Variants in KCNS3 observed in about 807,000 individuals in gnomAD.
The protein encoded by KCNS3 is delayed-rectifier potassium channel regulatory subunit KCNS3.
A neutral mutation model predicts 31.0 loss-of-function variants in KCNS3; 13 were observed. The observed-to-expected ratio is 0.42, with a 90% confidence interval of 0.27 to 0.67. The LOEUF (loss-of-function observed/expected upper bound fraction) is 0.67. Among genes scored for constraint, KCNS3 ranks in the 30% least tolerant of loss-of-function variants. The probability of loss-of-function intolerance (pLI) is 0.25; values close to 1 mark genes in which losing one functional copy is unlikely to be tolerated. For synonymous variants in KCNS3, 238 were observed against 241.5 expected, an observed-to-expected ratio of 0.99 and a Z score of 0.13; for missense variants, 545 against 622.4, an observed-to-expected ratio of 0.88 and a Z score of 1.32.
intron 1 of KCNS3, among the ~76,000 whole-genome samples, chr2:17,900,699 AG>A (rs1662153374): frequency 1.3e-5 from 2 of 152,016 alleles, no homozygotes; most frequent in African/African-American, 4.8e-5. Context: ...CATGTTGGCC[AG>A]GCTGGTTTCG....
intron 2 of KCNS3, among the ~76,000 whole-genome samples, chr2:17,921,915 G>GTGTGTATATATA (rs375189924): frequency 6.1e-5 from 2 of 32,810 alleles, no homozygotes; most frequent in Admixed American, 4.4e-4. Flanking sequence ...GTGTGTGTGT[G>GTGTGTATATATA]TATATATATA....
chr2:17,931,428 G>C lies in KCNS3; in HGVS notation c.420G>C (p.Val140=), dbSNP rs1170113502. 2 of 1,614,188 alleles carry C rather than the reference G, an allele frequency of 1.2e-6. No individual in the cohort carries two copies. The highest frequency in any genetic ancestry group is 1.7e-6 in the Non-Finnish European group (2 of 1,180,028). Residue 140 remains valine, a synonymous_variant, in exon 3 of 3, where the codon GTG becomes GTC. Coordinates refer to ENST00000304101, the MANE Select transcript of KCNS3 (RefSeq NM_002252.5). The surrounding 1 kb of genome is among the most constrained non-coding windows in gnomAD (Gnocchi z 5.4). ...EKDWDQKSHD[V]STDSSFEESS... is the part of the protein sequence containing the mutation. ...ACTGGGACCAGAAAAGCCATGATGT[G>C]AGTACCGACTCCTCGTTTGAAGAGT...
At chr2:17,915,354 G>A (rs1662565358) in intron 1 of KCNS3, among the ~76,000 whole-genome samples, 1 of 152,162 alleles carries the variant, frequency 6.6e-6, no homozygotes, top group Non-Finnish European at 1.5e-5. Flanking sequence ...TGGAAACGCT[G>A]GATGGGATTG....
intron 1 of KCNS3, among the ~76,000 whole-genome samples, chr2:17,910,557 C>T (rs532261354): frequency 6.6e-6 from 1 of 151,542 alleles, no homozygotes; most frequent in African/African-American, 2.4e-5. Flanking sequence ...TCAGTTGGCA[C>T]TACTGGAATT....
intron 1 of KCNS3, among the ~76,000 whole-genome samples, chr2:17,904,536 T>G (rs1216625709): frequency 6.6e-6 from 1 of 152,130 alleles, no homozygotes; most frequent in Non-Finnish European, 1.5e-5. Flanking sequence ...TCCTTGCCCA[T>G]GCCTATGTCC....
chr2:17,925,847 A>G (rs975275646), intron 2 of KCNS3, among the ~76,000 whole-genome samples: 4 of 152,214 alleles, frequency 2.6e-5, no homozygotes, highest in African/African-American at 9.6e-5. Flanking sequence ...TTTAAAACCA[A>G]TCATGCCTTC....
intron 1 of KCNS3, among the ~76,000 whole-genome samples, chr2:17,886,849 CT>C (rs1379714109): frequency 1.5e-5 from 2 of 136,908 alleles, no homozygotes; most frequent in Non-Finnish European, 3.0e-5. Context: ...CTCTCATCTT[CT>C]CCTTAAATCA....
chr2:17,896,737 G>A (rs995536517), intron 1 of KCNS3, among the ~76,000 whole-genome samples: 4 of 152,168 alleles, frequency 2.6e-5, no homozygotes, highest in Non-Finnish European at 5.9e-5. Context: ...TATAGCCACT[G>A]GGTGGACAGG....
intron 2 of KCNS3, among the ~76,000 whole-genome samples, chr2:17,928,932 C>T (rs2125254720): frequency 1.3e-5 from 2 of 152,322 alleles, no homozygotes; most frequent in South Asian, 4.2e-4. Flanking sequence ...ATATGCACTG[C>T]CACTGTGTGT....
chr2:17,904,941 G>A (rs1399879324), intron 1 of KCNS3, among the ~76,000 whole-genome samples: 7 of 152,076 alleles, frequency 4.6e-5, no homozygotes, highest in Non-Finnish European at 1.0e-4. Context: ...TTGGTAATGC[G>A]GGCTCTTTTT....
intron 1 of KCNS3, among the ~76,000 whole-genome samples, chr2:17,915,750 G>C (rs1257768063): frequency 6.6e-6 from 1 of 152,194 alleles, no homozygotes; most frequent in Non-Finnish European, 1.5e-5. Flanking sequence ...GTCACACTTA[G>C]AATGTGAATG....
intron 1 of KCNS3, among the ~76,000 whole-genome samples, chr2:17,894,041 A>G (rs1308452715): frequency 6.8e-6 from 1 of 147,408 alleles, no homozygotes; most frequent in Non-Finnish European, 1.5e-5. Flanking sequence ...ATTCCAGTAG[A>G]TTTGCTTTTA....
intron 2 of KCNS3, among the ~76,000 whole-genome samples, chr2:17,920,763 C>A (rs1164108641): frequency 1.3e-5 from 2 of 152,176 alleles, no homozygotes; most frequent in Non-Finnish European, 2.9e-5. Context: ...TGCCACTGTA[C>A]CCTCAGATGT....
chr2:17,921,911 GTGTGTATATA>G (rs1409451103), intron 2 of KCNS3, among the ~76,000 whole-genome samples: 5,198 of 99,728 alleles, frequency 0.052, 144 homozygotes, highest in Non-Finnish European at 0.078. Flanking sequence ...ATGTGTGTGT[GTGTGTATATA>G]TATATATATA....
chr2:17,908,075 T>A lies in KCNS3; in HGVS notation c.-251-9605T>A, dbSNP rs147655305. Among the ~76,000 whole-genome samples the A allele has an allele frequency of 2.5e-3, 382 of 152,330 alleles. 2 individuals are homozygous for A. Among genetic ancestry groups the A allele is most frequent in the African/African-American group, 8.8e-3 (366 of 41,576 alleles). ...AGTGTTTTCGAACTTGGTTCCATTC[T>A]CCCCGTCACTTTTAGGTACACCAAT... On this transcript the variant is annotated intron_variant, in intron 1 of 2. Transcript: ENST00000304101.
intron 1 of KCNS3, among the ~76,000 whole-genome samples, chr2:17,884,268 A>AAAATATATATATATAT (rs1459540269): frequency 4.3e-5 from 2 of 46,696 alleles, no homozygotes; most frequent in African/African-American, 7.8e-5. Flanking sequence ...AAAAAAAAAA[A>AAAATATATATATATAT]ATATATATAT....
intron 1 of KCNS3, among the ~76,000 whole-genome samples, chr2:17,907,840 G>C (rs1196542227): frequency 6.6e-6 from 1 of 152,222 alleles, no homozygotes; most frequent in African/African-American, 2.4e-5. Flanking sequence ...CTGTTAGTCT[G>C]ATGGGTTTCC....
chr2:17,880,587 A>C lies in KCNS3; in HGVS notation c.-252+1781A>C, dbSNP rs144527844. 8.8e-3 allele frequency among the ~76,000 whole-genome samples: 1,342 copies of C among 152,358 alleles called. 8 individuals are homozygous for C. The highest frequency in any genetic ancestry group is 0.013 in the Non-Finnish European group (917 of 68,034). ...AGACTTGCGGGATCAGTATTAATTGAATCTTTTGTCTGACCCATAATTGCC... is the reference window on the plus strand; with the variant it reads ...AGACTTGCGGGATCAGTATTAATTGCATCTTTTGTCTGACCCATAATTGCC... On this transcript the variant is annotated intron_variant, in intron 1 of 2. Coordinates refer to ENST00000304101, the MANE Select transcript of KCNS3 (RefSeq NM_002252.5).
chr2:17,879,833 T>A (rs1397376319), intron 1 of KCNS3, among the ~76,000 whole-genome samples: 2 of 152,154 alleles, frequency 1.3e-5, no homozygotes, highest in African/African-American at 2.4e-5. Context: ...TACCTCCACC[T>A]GCCAAAATGA....
Sources: gnomAD v4.1 joint callset for allele counts (sites outside exome capture counted in the v4.1 genomes callset) on GRCh38, gnomAD v4.1.1 for gene constraint, Gnocchi (gnomAD v3.1) non-coding constraint, MANE v1.5 for transcripts, NCBI Gene and HGNC (gene_info 2026-07-23, HGNC 2026-07-21) for gene names.